Variants in SLC2A13 observed in about 807,000 individuals in gnomAD.
The protein encoded by SLC2A13 is solute carrier family 2 member 13.
A neutral mutation model predicts 64.4 loss-of-function variants in SLC2A13; 32 were observed. The observed-to-expected ratio is 0.50, with a 90% CI of 0.37 to 0.67. The LOEUF (loss-of-function observed/expected upper bound fraction) is 0.67. Among genes scored for constraint, SLC2A13 ranks in the 30% least tolerant of loss-of-function variants. The pLI, the probability that SLC2A13 is intolerant of heterozygous loss-of-function variation, is 0.00. For missense variants in SLC2A13, 743 were observed against 829.2 expected (o/e 0.90, Z 1.28); for synonymous variants, 338 against 327.1 (o/e 1.03, Z -0.36).
intron 3 of SLC2A13, among the ~76,000 whole-genome samples, chr12:40,021,510 G>A (rs1947718000): frequency 6.6e-6 from 1 of 152,156 alleles, no homozygotes; most frequent in Admixed American, 6.5e-5. Flanking sequence ...AATTAAAGTA[G>A]CTTTTTATCT....
chr12:39,872,404 A>G (rs535174875), intron 4 of SLC2A13, among the ~76,000 whole-genome samples: 4 of 152,352 alleles, frequency 2.6e-5, no homozygotes, highest in Admixed American at 2.0e-4. Flanking sequence ...TATAGTGGTA[A>G]AAATCTGGGA....
intron 7 of SLC2A13, among the ~76,000 whole-genome samples, chr12:39,827,422 C>T (rs1458761151): frequency 1.3e-5 from 2 of 152,164 alleles, no homozygotes; most frequent in Non-Finnish European, 2.9e-5. Context: ...TTTGTAACTA[C>T]AGAGGCAAGG....
At position 40,075,612 on chromosome 12, in the gene SLC2A13, G is replaced by C. The variant is rs573755558; in HGVS notation, c.557-27402C>G. 1.4e-4 allele frequency among the ~76,000 whole-genome samples: 22 copies of C among 152,252 alleles called. No homozygotes were observed. The South Asian group carries it at 2.5e-3, about 17-fold the overall frequency. ...AATAATACCATTTGAAGTTTGCTGA[G>C]TTTCTTGAATCTGTAAGTTTATGTC... On this transcript the variant is annotated intron_variant, in intron 1 of 9. Transcript: ENST00000280871.
intron 7 of SLC2A13, among the ~76,000 whole-genome samples, chr12:39,802,088 C>G (rs920201532): frequency 6.6e-6 from 1 of 152,166 alleles, no homozygotes; most frequent in African/African-American, 2.4e-5. Context: ...TGGGGTTGGG[C>G]AGTTGATGGG....
Position 39,871,863 on chromosome 12 carries a change from G to C in SLC2A13, c.1133C>G (p.Thr378Arg), listed in dbSNP as rs889510880. Residue 378 changes from threonine (T) to arginine (R), a missense_variant, in exon 5 of 10, where the codon ACA (threonine) becomes AGA (arginine). Physicochemically the swap from Thr to Arg is moderately conservative, Grantham distance 71 (BLOSUM62 -1). This residue lies in a region of SLC2A13 where 295 missense variants were observed against 381.7 expected (regional missense o/e 0.77). Coordinates refer to ENST00000280871, the MANE Select transcript of SLC2A13 (RefSeq NM_052885.4). ...SVTAFTNFIFTLVGVWLVEKV... is the reference protein window; with the variant it reads ...SVTAFTNFIFRLVGVWLVEKV... ...CTCAACAAGCCAGACTCCCACAAGT[G>C]TGAAAATGAAATTTGTGAAGGCTGT... 5.0e-6 allele frequency: 8 copies of C among 1,612,618 alleles called. No homozygotes were observed. Among genetic ancestry groups the C allele is most frequent in the Non-Finnish European group, 5.9e-6 (7 of 1,179,388 alleles).
intron 1 of SLC2A13, among the ~76,000 whole-genome samples, chr12:40,060,489 T>C (rs752539181): frequency 3.9e-5 from 6 of 152,160 alleles, no homozygotes; most frequent in Non-Finnish European, 8.8e-5. Flanking sequence ...CCATGTACAC[T>C]GGGTTGTTTT....
At chr12:40,059,518 C>T (rs542857184) in intron 1 of SLC2A13, among the ~76,000 whole-genome samples, 12 of 152,252 alleles carry the variant, frequency 7.9e-5, no homozygotes, top group African/African-American at 2.2e-4. Context: ...GCTCACAGAA[C>T]TCAGGGAAAG....
intron 1 of SLC2A13, among the ~76,000 whole-genome samples, chr12:40,071,425 T>A (rs1002982138): frequency 2.0e-5 from 3 of 152,204 alleles, no homozygotes; most frequent in African/African-American, 7.2e-5. Context: ...AATTTTATAA[T>A]ATTTTATTGA....
chr12:39,768,703 A>G (rs1940452598), intron 7 of SLC2A13, among the ~76,000 whole-genome samples: 1 of 152,120 alleles, frequency 6.6e-6, no homozygotes, highest in Admixed American at 6.6e-5. Context: ...GATGCCCGAC[A>G]ACAATTACAA....
intron 6 of SLC2A13, among the ~76,000 whole-genome samples, chr12:39,862,623 C>T (rs1943792126): frequency 6.6e-6 from 1 of 152,172 alleles, no homozygotes; most frequent in Non-Finnish European, 1.5e-5. Context: ...TCTACATTTA[C>T]AAAGTGAACT....
chr12:40,007,833 T>C (rs1010288308), intron 3 of SLC2A13, among the ~76,000 whole-genome samples: 1 of 152,158 alleles, frequency 6.6e-6, no homozygotes, highest in African/African-American at 2.4e-5. Context: ...AGTGGTAGCA[T>C]AATTATTCAA....
At chr12:39,781,020 A>G (rs1400747973) in intron 7 of SLC2A13, among the ~76,000 whole-genome samples, 1 of 152,154 alleles carries the variant, frequency 6.6e-6, no homozygotes, top group Non-Finnish European at 1.5e-5. Context: ...CAGTTTCACA[A>G]TATTTCATCT....
chr12:39,939,717 A>G (rs1226329581), intron 4 of SLC2A13, among the ~76,000 whole-genome samples: 2 of 152,232 alleles, frequency 1.3e-5, no homozygotes, highest in Non-Finnish European at 2.9e-5. Context: ...TAAGCATTTA[A>G]TAAATATTCC....
intron 7 of SLC2A13, among the ~76,000 whole-genome samples, chr12:39,798,814 A>G (rs997223816): frequency 6.6e-6 from 1 of 152,058 alleles, no homozygotes; most frequent in African/African-American, 2.4e-5. Flanking sequence ...TATAAACACA[A>G]TTATATATTA....
At chr12:39,775,965 G>T (rs1940759685) in intron 7 of SLC2A13, among the ~76,000 whole-genome samples, 1 of 152,172 alleles carries the variant, frequency 6.6e-6, no homozygotes, top group South Asian at 2.1e-4. Flanking sequence ...AAAAAGCTTG[G>T]AATTTTGGAG....
At chr12:40,002,797 T>C (rs1947342257) in intron 3 of SLC2A13, among the ~76,000 whole-genome samples, 1 of 151,986 alleles carries the variant, frequency 6.6e-6, no homozygotes, top group African/African-American at 2.4e-5. Context: ...ATGCCTAGCA[T>C]GTATGGGGCT....
intron 7 of SLC2A13, among the ~76,000 whole-genome samples, chr12:39,815,676 T>G (rs1942319327): frequency 6.6e-6 from 1 of 152,178 alleles, no homozygotes; most frequent in African/African-American, 2.4e-5. Flanking sequence ...TGGAAAGCAG[T>G]TCTACTAAAG....
chr12:39,806,160 A>C (rs1482201100), intron 7 of SLC2A13, among the ~76,000 whole-genome samples: 2 of 152,192 alleles, frequency 1.3e-5, no homozygotes, highest in Non-Finnish European at 2.9e-5. Context: ...TTCACAAACT[A>C]AAAATTAAGA....
intron 4 of SLC2A13, among the ~76,000 whole-genome samples, chr12:39,896,229 C>A (rs139776185): frequency 1.6e-5 from 2 of 126,434 alleles, no homozygotes; most frequent in South Asian, 2.4e-4. Flanking sequence ...TACATATATG[C>A]ATATGTGTAT....
Sources: allele counts gnomAD v4.1 joint callset (sites outside exome capture counted in the v4.1 genomes callset), GRCh38; gene constraint gnomAD v4.1.1; regional missense constraint gnomAD v4.1.1; transcripts MANE v1.5; gene names NCBI Gene and HGNC (gene_info 2026-07-23, HGNC 2026-07-21).